The following NMNAT2 variants were observed in gnomAD, a reference collection of about 807,000 sequenced individuals.
NMNAT2 encodes the protein nicotinamide nucleotide adenylyltransferase 2.
NMNAT2 carries 11 observed loss-of-function variants against 41.6 expected under a neutral mutation model. The observed-to-expected ratio is 0.26, with a 90% CI of 0.17 to 0.44. The LOEUF is 0.44. Among genes scored for constraint, NMNAT2 ranks in the 20% least tolerant of loss-of-function variants. NMNAT2 has a pLI of 1.00. For synonymous variants in NMNAT2, 148 were observed against 151.2 expected, an observed-to-expected ratio of 0.98 and a Z score of 0.16; for missense variants, 288 against 407.7, an observed-to-expected ratio of 0.71 and a Z score of 2.53.
chr1:183,370,710 A>C (rs1196958299), intron 1 of NMNAT2, among the ~76,000 whole-genome samples: 1 of 152,246 alleles, frequency 6.6e-6, no homozygotes, highest in Non-Finnish European at 1.5e-5. Context: ...TAAAATCCCC[A>C]GAAAAATATG....
chr1:183,261,419 G>T (rs1297454295), intron 8 of NMNAT2, 116 bp from the exon 9 acceptor site: 8 of 906,120 alleles, frequency 8.8e-6, no homozygotes, highest in Non-Finnish European at 1.2e-5. Context: ...CCAAGCTTTA[G>T]TCCCAAACCG....
intron 1 of NMNAT2, among the ~76,000 whole-genome samples, chr1:183,404,091 G>A (rs1648889170): frequency 6.9e-6 from 1 of 144,444 alleles, no homozygotes; most frequent in South Asian, 2.2e-4. Flanking sequence ...CAAAAGCCCA[G>A]AAATGTAATT....
At chr1:183,271,490 C>T (rs1201653201) in intron 8 of NMNAT2, among the ~76,000 whole-genome samples, 1 of 152,188 alleles carries the variant, frequency 6.6e-6, no homozygotes, top group Non-Finnish European at 1.5e-5. Flanking sequence ...ACTTTGTTTT[C>T]TCACATGGCT....
intron 1 of NMNAT2, among the ~76,000 whole-genome samples, chr1:183,325,731 C>T (rs1027999994): frequency 6.6e-6 from 1 of 152,136 alleles, no homozygotes; most frequent in Non-Finnish European, 1.5e-5. Context: ...ATTGAAAGAG[C>T]CATAACCTTT....
rs1394166321 is a variant in NMNAT2 at position 183,418,258 on chromosome 1, T to G, written c.10A>C (p.Thr4Pro). 4 of 1,613,572 alleles carry G rather than the reference T, an allele frequency of 2.5e-6. No individual in the cohort carries two copies. Among genetic ancestry groups the G allele is most frequent in the Non-Finnish European group, 3.4e-6 (4 of 1,179,940 alleles). The part of the protein sequence containing the change: MTE[T>P]TKTHVILLAC... ...AGCAAGATAACGTGGGTCTTGGTGG[T>G]CTCGGTCATGGTGCAGATGGGTCCT... Residue 4 changes from threonine (T) to proline (P), a missense_variant, in exon 1 of 11, where the codon ACC (threonine) becomes CCC (proline). Physicochemically the swap from Thr to Pro is conservative, Grantham distance 38. Transcript: ENST00000287713.
intron 1 of NMNAT2, among the ~76,000 whole-genome samples, chr1:183,346,251 C>A (rs538794587): frequency 6.6e-6 from 1 of 152,258 alleles, no homozygotes; most frequent in East Asian, 1.9e-4. Context: ...CTGATCTCAC[C>A]TTCAGGGTCA....
intron 1 of NMNAT2, among the ~76,000 whole-genome samples, chr1:183,322,390 C>T (rs1356904744): frequency 6.6e-6 from 1 of 152,158 alleles, no homozygotes; most frequent in Non-Finnish European, 1.5e-5. Flanking sequence ...TTCTTCATTA[C>T]CTTGTACTGC....
intron 10 of NMNAT2, among the ~76,000 whole-genome samples, 169 bp from the exon 11 acceptor site, chr1:183,252,912 G>A (rs564894977): frequency 6.6e-6 from 1 of 152,280 alleles, no homozygotes; most frequent in South Asian, 2.1e-4. Flanking sequence ...TCCCCACCTT[G>A]GTGACATCAT....
intron 1 of NMNAT2, among the ~76,000 whole-genome samples, chr1:183,379,511 A>G (rs1663756675): frequency 6.6e-6 from 1 of 152,216 alleles, no homozygotes; most frequent in African/African-American, 2.4e-5. Flanking sequence ...AAAGATATAG[A>G]TAGGTTAAAA....
intron 1 of NMNAT2, among the ~76,000 whole-genome samples, chr1:183,400,036 C>A (rs1278668215): frequency 1.3e-5 from 2 of 152,146 alleles, no homozygotes; most frequent in African/African-American, 4.8e-5. Context: ...CACTCCTATT[C>A]AACATAGTGT....
At chr1:183,389,270 C>T (rs2078087) in intron 1 of NMNAT2, among the ~76,000 whole-genome samples, 23,875 of 152,168 alleles carry the variant, frequency 0.16, 2,065 homozygotes, top group South Asian at 0.25. Context: ...TACCTTCTCA[C>T]ACTTGTCATC....
At chr1:183,279,540 C>T (rs1156295548) in intron 7 of NMNAT2, among the ~76,000 whole-genome samples, 1 of 152,210 alleles carries the variant, frequency 6.6e-6, no homozygotes, top group Non-Finnish European at 1.5e-5. Flanking sequence ...CAGCTGCCAG[C>T]ACAGGCCCTG....
intron 1 of NMNAT2, among the ~76,000 whole-genome samples, chr1:183,353,621 A>G (rs1443503316): frequency 6.6e-6 from 1 of 152,194 alleles, no homozygotes; most frequent in Non-Finnish European, 1.5e-5. Flanking sequence ...ACTCTGCCAA[A>G]TGCCCAGGAC....
rs1450580337 is a variant in NMNAT2, at chr1:183,349,985, G to C, written c.86-56192C>G. ...TGGCAGAATATAGTCTGAGGCTCCA[G>C]AGTTAGGCTCTGTCCTGGACTTGCT... On this transcript the variant is annotated intron_variant, in intron 1 of 10. Transcript: ENST00000287713. Among the ~76,000 whole-genome samples the C allele has an allele frequency of 2.0e-5, 3 of 152,202 alleles. No individual in the cohort carries two copies. The East Asian group carries it at 5.8e-4, about 29-fold the overall frequency.
chr1:183,398,508 A>G (rs982324521), intron 1 of NMNAT2, among the ~76,000 whole-genome samples: 2 of 152,204 alleles, frequency 1.3e-5, no homozygotes, highest in Non-Finnish European at 2.9e-5. Flanking sequence ...TCAACGAGAC[A>G]GGAAGTTCAC....
At chr1:183,379,296 T>C (rs1020402955) in intron 1 of NMNAT2, among the ~76,000 whole-genome samples, 4 of 152,088 alleles carry the variant, frequency 2.6e-5, no homozygotes, top group African/African-American at 9.7e-5. Flanking sequence ...TCCTCCTGCC[T>C]GAGCCTCCCC....
intron 8 of NMNAT2, among the ~76,000 whole-genome samples, chr1:183,273,228 T>C (rs1558112344): frequency 6.6e-6 from 1 of 152,266 alleles, no homozygotes; most frequent in Non-Finnish European, 1.5e-5. Flanking sequence ...GAGAGCCTAC[T>C]CTGGCATGGG....
chr1:183,333,062 C>G (rs1049399929), intron 1 of NMNAT2, among the ~76,000 whole-genome samples: 1 of 152,108 alleles, frequency 6.6e-6, no homozygotes, highest in Non-Finnish European at 1.5e-5. Flanking sequence ...AAGCTGACTC[C>G]CATTGGAAAA....
At chr1:183,406,470 A>T (rs910181780) in intron 1 of NMNAT2, among the ~76,000 whole-genome samples, 6 of 152,182 alleles carry the variant, frequency 3.9e-5, no homozygotes, top group African/African-American at 1.4e-4. Context: ...AATCTTAAAA[A>T]AAGTGCAATT....
Sources: gnomAD v4.1 joint callset for allele counts (sites outside exome capture counted in the v4.1 genomes callset) on GRCh38, gnomAD v4.1.1 for gene constraint, MANE v1.5 for transcripts, NCBI Gene and HGNC (gene_info 2026-07-23, HGNC 2026-07-21) for gene names.